Variants in MARCHF8 observed in about 807,000 individuals in gnomAD.
MARCHF8 encodes the protein membrane associated ring-CH-type finger 8.
A neutral mutation model predicts 51.6 loss-of-function variants in MARCHF8; 40 were observed. The observed-to-expected ratio is 0.77, with a 90% CI of 0.60 to 1.01. The LOEUF (loss-of-function observed/expected upper bound fraction) is 1.01. Ranked by LOEUF, MARCHF8 falls within the 50% of genes least tolerant of loss-of-function variation. The pLI is 0.00. For synonymous variants in MARCHF8, 263 were observed against 280.3 expected, an observed-to-expected ratio of 0.94 and a Z score of 0.62; for missense variants, 685 against 708.6, an observed-to-expected ratio of 0.97 and a Z score of 0.38.
upstream of MARCHF8, among the ~76,000 whole-genome samples, chr10:45,536,864 A>ATAG (rs989484735): frequency 4.7e-5 from 7 of 147,692 alleles, no homozygotes; most frequent in Non-Finnish European, 8.9e-5. Context: ...AATAATAATA[A>ATAG]TAATAATAAT....
intron 2 of MARCHF8, among the ~76,000 whole-genome samples, chr10:45,493,959 G>GT (rs2043128835): frequency 6.6e-6 from 1 of 152,158 alleles, no homozygotes; most frequent in Admixed American, 6.5e-5. Flanking sequence ...TATGACTCAT[G>GT]TTTTAAAAAG....
intron 2 of MARCHF8, among the ~76,000 whole-genome samples, chr10:45,506,260 G>A (rs1268511869): frequency 6.6e-6 from 1 of 152,096 alleles, no homozygotes; most frequent in African/African-American, 2.4e-5. Context: ...TTGGAAATGG[G>A]ACCAGTTTAA....
intron 1 of MARCHF8, among the ~76,000 whole-genome samples, chr10:45,567,061 C>T (rs1194703822): frequency 3.9e-5 from 6 of 152,180 alleles, no homozygotes; most frequent in Non-Finnish European, 8.8e-5. Context: ...ACCTGTTTGC[C>T]ACTTGTACAT....
chr10:45,574,171 C>G (rs2044463597), intron 1 of MARCHF8, among the ~76,000 whole-genome samples: 1 of 152,044 alleles, frequency 6.6e-6, no homozygotes, highest in South Asian at 2.1e-4. Context: ...ACCTAGTCAC[C>G]CTTACCCCAC....
intron 2 of MARCHF8, among the ~76,000 whole-genome samples, chr10:45,491,944 A>G (rs1450672254): frequency 6.6e-6 from 1 of 152,242 alleles, no homozygotes; most frequent in Non-Finnish European, 1.5e-5. Flanking sequence ...GACCTTTTTG[A>G]CATTAATTAT....
chr10:45,464,238 C>T lies in MARCHF8; in HGVS notation c.242+1G>A. The T allele has an allele frequency of 1.2e-6, 2 of 1,613,616 alleles. No individual in the cohort carries two copies. The highest frequency in any genetic ancestry group is 1.7e-6 in the Non-Finnish European group (2 of 1,179,542). ...TGGCAGCATCTGAAGCAGAGTGTTA[C>T]CTGCAGATGTCCTGGCTGGATGGCG... is the stretch of plus-strand genomic sequence containing the variant. On this transcript the variant is annotated splice_donor_variant, in intron 4 of 7. Coordinates refer to ENST00000453424, the MANE Select transcript of MARCHF8 (RefSeq NM_001282866.2). LOFTEE classifies it high-confidence loss of function.
intron 1 of MARCHF8, among the ~76,000 whole-genome samples, chr10:45,533,769 C>G (rs569160808): frequency 6.6e-6 from 1 of 152,092 alleles, no homozygotes; most frequent in Non-Finnish European, 1.5e-5. Context: ...AAAGTAGAGA[C>G]TCTACACGAG....
In MARCHF8 at chr10:45,554,033, A is replaced by T. The variant is rs138059674; in HGVS notation, c.-78-20744T>A. On this transcript the variant is annotated intron_variant, in intron 1 of 6. Coordinates refer to the MARCHF8 transcript ENST00000319836. ...CTCTAAAATTCAAAAGCAAAATGAAATGACCCTAAATATTTGTTGAATTGG... is the reference window on the plus strand; with the variant it reads ...CTCTAAAATTCAAAAGCAAAATGAATTGACCCTAAATATTTGTTGAATTGG... Among the ~76,000 whole-genome samples the T allele has an allele frequency of 3.6e-3, 550 of 152,370 alleles. 3 individuals are homozygous for T. The highest frequency in any genetic ancestry group is 0.013 in the African/African-American group (521 of 41,592).
intron 2 of MARCHF8, among the ~76,000 whole-genome samples, chr10:45,521,715 G>A (rs1022355986): frequency 2.0e-5 from 3 of 152,130 alleles, no homozygotes; most frequent in South Asian, 2.1e-4. Flanking sequence ...TGTCTACTGC[G>A]ACGCTTTCTT....
intron 1 of MARCHF8, among the ~76,000 whole-genome samples, chr10:45,549,832 C>A (rs1482420413): frequency 6.6e-6 from 1 of 152,216 alleles, no homozygotes; most frequent in Non-Finnish European, 1.5e-5. Flanking sequence ...TGCCCATCTG[C>A]CTTCCACCAT....
chr10:45,464,470 A>G (rs1023002451), intron 3 of MARCHF8, 143 bp from the exon 4 acceptor site: 4 of 661,960 alleles, frequency 6.0e-6, no homozygotes, highest in Non-Finnish European at 1.1e-5. Context: ...AGATCCTTCT[A>G]AGCCTTGGCA....
At chr10:45,587,017 C>A (rs1007394643) in intron 1 of MARCHF8, among the ~76,000 whole-genome samples, 1 of 151,782 alleles carries the variant, frequency 6.6e-6, no homozygotes, top group Non-Finnish European at 1.5e-5. Flanking sequence ...ACATATAAGA[C>A]TAAATGCTTT....
At chr10:45,555,580 C>A (rs955661052) in intron 1 of MARCHF8, among the ~76,000 whole-genome samples, 2 of 151,638 alleles carry the variant, frequency 1.3e-5, no homozygotes, top group East Asian at 3.9e-4. Flanking sequence ...TCTCCAAAAA[C>A]GATTTCTTTT....
intron 1 of MARCHF8, among the ~76,000 whole-genome samples, chr10:45,548,802 C>T (rs1466341969): frequency 1.3e-5 from 2 of 149,984 alleles, no homozygotes; most frequent in Non-Finnish European, 2.9e-5. Context: ...CGTGACCAGC[C>T]TGGCCAACAT....
chr10:45,586,711 T>C (rs1257632709), intron 1 of MARCHF8, among the ~76,000 whole-genome samples: 1 of 152,128 alleles, frequency 6.6e-6, no homozygotes, highest in Admixed American at 6.5e-5. Flanking sequence ...AATAAATATA[T>C]TGGGAATTTT....
intron 1 of MARCHF8, among the ~76,000 whole-genome samples, chr10:45,545,399 C>G (rs1484169763): frequency 2.0e-5 from 3 of 152,190 alleles, no homozygotes; most frequent in Non-Finnish European, 4.4e-5. Context: ...AAATCCTGAT[C>G]AAGTACCCTA....
intron 1 of MARCHF8, among the ~76,000 whole-genome samples, chr10:45,541,582 T>C (rs553370317): frequency 8.9e-4 from 136 of 151,982 alleles, no homozygotes; most frequent in African/African-American, 3.2e-3. Flanking sequence ...TAATAAAATT[T>C]TAAAAAAATG....
rs932125884 is a variant in MARCHF8 at position 45,455,501 on chromosome 10, G to A, written c.*2738C>T. On this transcript the variant is annotated 3_prime_UTR_variant, in exon 8 of 8. Transcript: ENST00000453424. The stretch of plus-strand genomic sequence containing the variant: ...GACCTCATTCTGGGTTTCTATATGG[G>A]TCAACCAAATGCCATCCTTTCACTA... The A allele has an allele frequency of 3.3e-5, 5 of 150,914 alleles. No homozygotes were observed. The highest frequency in any genetic ancestry group is 1.2e-4 in the African/African-American group (5 of 41,022). The allele number at this position is 150,914 out of a possible 1,614,324, so 9.3% of individuals were successfully genotyped here.
intron 2 of MARCHF8, 87 bp from the exon 3 acceptor site, chr10:45,489,504 C>T (rs1417658637): frequency 1.6e-5 from 19 of 1,188,234 alleles, no homozygotes; most frequent in Non-Finnish European, 2.4e-5. Context: ...ACCCTACTGA[C>T]AAATCATTCC....
Sources: gnomAD v4.1 joint callset for allele counts (sites outside exome capture counted in the v4.1 genomes callset) on GRCh38, gnomAD v4.1.1 for gene constraint, MANE v1.5 for transcripts, NCBI Gene and HGNC (gene_info 2026-07-23, HGNC 2026-07-21) for gene names.